NOL4: variants seen among roughly 807,000 people sequenced by gnomAD.
NOL4 encodes the protein cancer/testis antigen 125.
Under a neutral mutation model 75.9 loss-of-function variants are expected in NOL4, and 17 were observed. The observed-to-expected ratio is 0.22, with a 90% CI of 0.15 to 0.34. The LOEUF (loss-of-function observed/expected upper bound fraction) is 0.34, where lower values mean the gene tolerates loss of function less well. Ranked by LOEUF, NOL4 falls within the 10% of genes least tolerant of loss-of-function variation. The pLI, the probability that NOL4 is intolerant of heterozygous loss-of-function variation, is 1.00. For missense variants in NOL4, 614 were observed against 793.5 expected, an observed-to-expected ratio of 0.77 and a Z score of 2.72; for synonymous variants, 292 against 289.9, an observed-to-expected ratio of 1.01 and a Z score of -0.07.
rs1012822827 is a variant in NOL4, at chr18:34,093,650, A to G, written c.640-53T>C. 4 of 1,337,376 alleles carry G rather than the reference A, an allele frequency of 3.0e-6. No individual in the cohort carries two copies. In the African/African-American group the frequency reaches 5.9e-5, roughly 20 times the overall value. 82.8% of individuals were successfully genotyped at this position (1,337,376 alleles called of 1,614,324 possible). The stretch of plus-strand genomic sequence containing the variant: ...GCATTTTAACGTATAATACGTTTAA[A>G]TAATAACCATTTTATCTACACAGTC... On this transcript the variant is annotated intron_variant, in intron 4 of 10. Coordinates refer to ENST00000261592, the MANE Select transcript of NOL4 (RefSeq NM_003787.5).
intron 9 of NOL4, among the ~76,000 whole-genome samples, chr18:33,894,518 C>T (rs1420157776): frequency 6.6e-6 from 1 of 152,050 alleles, no homozygotes; most frequent in Non-Finnish European, 1.5e-5. Flanking sequence ...TAAGTAAATT[C>T]ATGTTTTGAC....
chr18:34,179,126 AAT>A (rs2033813673), intron 1 of NOL4, among the ~76,000 whole-genome samples: 1 of 151,678 alleles, frequency 6.6e-6, no homozygotes, highest in Admixed American at 6.6e-5. Flanking sequence ...GTAATTAGAA[AAT>A]ACTCTGAGAT....
chr18:34,211,043 G>T (rs1341175023), intron 1 of NOL4, among the ~76,000 whole-genome samples: 2 of 151,712 alleles, frequency 1.3e-5, no homozygotes, highest in Admixed American at 6.6e-5. Flanking sequence ...TCGCAGCACT[G>T]CACTCCAGCC....
intron 1 of NOL4, among the ~76,000 whole-genome samples, chr18:34,202,442 T>A (rs1288177126): frequency 6.6e-6 from 1 of 151,990 alleles, no homozygotes; most frequent in East Asian, 1.9e-4. Context: ...TAAACATTAA[T>A]ATTGAAAATA....
intron 9 of NOL4, among the ~76,000 whole-genome samples, chr18:33,898,020 A>G (rs1030812572): frequency 3.9e-5 from 6 of 151,998 alleles, no homozygotes; most frequent in African/African-American, 1.4e-4. Flanking sequence ...CAATCCTCGC[A>G]CCTCAGCCTC....
At chr18:34,091,894 T>A (rs1019928993) in intron 5 of NOL4, among the ~76,000 whole-genome samples, 2 of 152,154 alleles carry the variant, frequency 1.3e-5, no homozygotes, top group Non-Finnish European at 2.9e-5. Flanking sequence ...ATATAATATT[T>A]GGAGTTATTC....
At chr18:34,125,983 C>A (rs2080369795) in intron 2 of NOL4, among the ~76,000 whole-genome samples, 1 of 151,506 alleles carries the variant, frequency 6.6e-6, no homozygotes, top group South Asian at 2.1e-4. Context: ...AAAAAAAATG[C>A]CTGCATGAGA....
intron 2 of NOL4, among the ~76,000 whole-genome samples, chr18:34,122,619 C>T (rs909438744): frequency 6.6e-5 from 10 of 152,214 alleles, no homozygotes; most frequent in Admixed American, 6.5e-4. Flanking sequence ...AACATGCCAA[C>T]ATCACACATG....
chr18:33,966,820 A>T (rs906031732), intron 6 of NOL4, among the ~76,000 whole-genome samples: 2 of 152,170 alleles, frequency 1.3e-5, no homozygotes, highest in African/African-American at 4.8e-5. Flanking sequence ...CTACTTAAAG[A>T]AATCAGAGAT....
chr18:34,026,682 C>T (rs1018751978), intron 5 of NOL4, among the ~76,000 whole-genome samples: 12 of 151,926 alleles, frequency 7.9e-5, no homozygotes, highest in South Asian at 2.1e-4. Flanking sequence ...TTATTATAAA[C>T]GATATTTTGT....
chr18:33,933,166 A>G (rs114426709), intron 9 of NOL4, among the ~76,000 whole-genome samples: 1,747 of 152,264 alleles, frequency 0.011, 28 homozygotes, highest in African/African-American at 0.04. Context: ...TGTTTACCCT[A>G]TATTGTAGTC....
intron 6 of NOL4, among the ~76,000 whole-genome samples, chr18:34,008,477 CTTAG>C (rs993914142): frequency 1.4e-4 from 21 of 151,694 alleles, no homozygotes; most frequent in African/African-American, 5.1e-4. Flanking sequence ...GTGATAATAT[CTTAG>C]TTAATGAAAA....
intron 9 of NOL4, among the ~76,000 whole-genome samples, chr18:33,926,831 C>T (rs1348722099): frequency 1.3e-5 from 2 of 152,168 alleles, no homozygotes; most frequent in African/African-American, 2.4e-5. Context: ...ATCTCTTGAC[C>T]TCGTGGTCCG....
At chr18:34,037,636 A>G (rs949476727) in intron 5 of NOL4, among the ~76,000 whole-genome samples, 3 of 152,096 alleles carry the variant, frequency 2.0e-5, no homozygotes, top group African/African-American at 7.2e-5. Context: ...TAATTTGACA[A>G]AGATACAAAG....
intron 1 of NOL4, among the ~76,000 whole-genome samples, chr18:34,211,035 G>C (rs191482727): frequency 7.3e-5 from 11 of 151,668 alleles, no homozygotes; most frequent in Admixed American, 7.2e-4. Flanking sequence ...AGCCGAGATC[G>C]CAGCACTGCA....
chr18:33,994,437 T>C (rs879460675), intron 6 of NOL4, among the ~76,000 whole-genome samples: 2 of 151,958 alleles, frequency 1.3e-5, no homozygotes, highest in Non-Finnish European at 2.9e-5. Context: ...TGAATGCAAA[T>C]TTATTGAAAT....
chr18:34,123,100 C>G (rs9945304), intron 2 of NOL4, among the ~76,000 whole-genome samples: 94,560 of 150,330 alleles, frequency 0.63, 30,293 homozygotes, highest in African/African-American at 0.77. Flanking sequence ...TGATAAACTT[C>G]TTTGGATAAG....
intron 9 of NOL4, among the ~76,000 whole-genome samples, chr18:33,886,502 T>G (rs1321259927): frequency 6.9e-6 from 1 of 145,130 alleles, no homozygotes; most frequent in Non-Finnish European, 1.5e-5. Context: ...CACTCCAGCC[T>G]GGGCAACAGA....
intron 5 of NOL4, among the ~76,000 whole-genome samples, chr18:34,042,371 G>T (rs1359622608): frequency 6.6e-6 from 1 of 151,912 alleles, no homozygotes; most frequent in Non-Finnish European, 1.5e-5. Context: ...AAAACATGAT[G>T]GTATTTTCTA....
Sources: gnomAD v4.1 joint callset for allele counts (sites outside exome capture counted in the v4.1 genomes callset) on GRCh38, gnomAD v4.1.1 for gene constraint, MANE v1.5 for transcripts, NCBI Gene and HGNC (gene_info 2026-07-23, HGNC 2026-07-21) for gene names.